CTSA: variants seen among roughly 807,000 people sequenced by gnomAD.
CTSA encodes cathepsin A, also known as lysosomal protective protein.
CTSA carries 42 observed loss-of-function variants against 66.7 expected under a neutral mutation model. The observed-to-expected ratio is 0.63, with a 90% confidence interval of 0.49 to 0.81. The LOEUF (loss-of-function observed/expected upper bound fraction) is 0.81. Among genes scored for constraint, CTSA ranks in the 40% least tolerant of loss-of-function variants. CTSA has a pLI of 0.00. For missense variants in CTSA, 525 were observed against 610.9 expected, an observed-to-expected ratio of 0.86 and a Z score of 1.48; for synonymous variants, 225 against 248.6, an observed-to-expected ratio of 0.91 and a Z score of 0.89.
chr20:45,898,462 A>C lies in CTSA; in HGVS notation c.*12A>C, dbSNP rs764768401. The C allele has an allele frequency of 1.2e-6, 2 of 1,612,820 alleles. No homozygotes were observed. Among genetic ancestry groups the C allele is most frequent in the Non-Finnish European group, 1.7e-6 (2 of 1,179,158 alleles). On this transcript the variant is annotated 3_prime_UTR_variant, in exon 15 of 15. Coordinates refer to ENST00000646241, the MANE Select transcript of CTSA (RefSeq NM_000308.4). This position sits in a 1 kb window ranked among gnomAD's most constrained non-coding sequence, Gnocchi z 4.6. ...AGCAGCCATACTGATGACCACAGCA[A>C]CCAGCTCCACGGCCTGATGCAGCCC...
intron 7 of CTSA, 38 bp from the exon 8 acceptor site, chr20:45,893,949 AC>A: frequency 2.2e-6 from 3 of 1,335,952 alleles, no homozygotes; most frequent in Non-Finnish European, 3.2e-6. Flanking sequence ...TCCTCTTCCC[AC>A]CAGCAGCTGA....
chr20:45,892,700 C>T (rs766878897), intron 5 of CTSA, 25 bp from the exon 6 acceptor site: 1 of 1,614,156 alleles, frequency 6.2e-7, no homozygotes, highest in South Asian at 1.1e-5. Flanking sequence ...TCCTGATTCC[C>T]TCTGTCTTGC....
chr20:45,897,244 G>A (rs2083120759), intron 12 of CTSA: 1 of 620,338 alleles, frequency 1.6e-6, no homozygotes, highest in Non-Finnish European at 2.9e-6. Flanking sequence ...GAGGCCTAGG[G>A]GTCTGCATCA....
chr20:45,892,180 G>A, intron 3 of CTSA, 93 bp from the exon 4 acceptor site: 1 of 1,482,424 alleles, frequency 6.7e-7, no homozygotes, highest in Non-Finnish European at 9.4e-7. Flanking sequence ...CCTCTCAGAG[G>A]TTTTACCCAC....
rs371053390 is a variant in CTSA at position 45,893,324 on chromosome 20, G to A, written c.692+13G>A. 136 of 1,596,942 alleles carry A rather than the reference G, an allele frequency of 8.5e-5. No homozygotes were observed. Among genetic ancestry groups the A allele is most frequent in the Non-Finnish European group, 1.1e-4 (124 of 1,164,508 alleles). On this transcript the variant is annotated intron_variant, in intron 7 of 14. Coordinates refer to ENST00000646241, the MANE Select transcript of CTSA (RefSeq NM_000308.4). ...TTCTGGGGAACAGGTATGGGATAGG[G>A]CAGTTGGGCAATCTCTGGGGTGAGG... is the stretch of plus-strand genomic sequence containing the variant.
rs1418177227 is a variant in CTSA at position 45,891,516 on chromosome 20, C to G, written c.1-53C>G. Reference sequence around the variant, plus strand: ...GCCGCCAGCAACTCCCCGGGGGCTGCTGCACGGAAGCGCTGAGGAGCGAGT... The same window carrying G: ...GCCGCCAGCAACTCCCCGGGGGCTGGTGCACGGAAGCGCTGAGGAGCGAGT... On this transcript the variant is annotated intron_variant, in intron 1 of 14. Coordinates refer to ENST00000646241, the MANE Select transcript of CTSA (RefSeq NM_000308.4). This position sits in a 1 kb window ranked among gnomAD's most constrained non-coding sequence, Gnocchi z 4.6. The G allele has an allele frequency of 6.4e-7, 1 of 1,562,304 alleles. No homozygotes were observed. Among genetic ancestry groups the G allele is most frequent in the Non-Finnish European group, 8.6e-7 (1 of 1,156,546 alleles).
At position 45,897,979 on chromosome 20, in the gene CTSA, G is replaced by A. The variant is rs770740057; in HGVS notation, c.1255-26G>A. ...TGTGAGCAAGGATGCAGCTGCTGTA[G>A]GCTGATGTCTTTCCTGGTGGGGCAG... On this transcript the variant is annotated intron_variant, in intron 13 of 14. Coordinates refer to ENST00000646241, the MANE Select transcript of CTSA (RefSeq NM_000308.4). 6.8e-6 allele frequency: 11 copies of A among 1,611,116 alleles called. No homozygotes were observed. In the East Asian group the frequency reaches 2.2e-4, roughly 33 times the overall value.
chr20:45,897,972 T>G (rs2083129066), intron 13 of CTSA, 33 bp from the exon 14 acceptor site: 2 of 1,606,794 alleles, frequency 1.2e-6, no homozygotes, highest in African/African-American at 2.7e-5. Context: ...AGGATGCAGC[T>G]GCTGTAGGCT....
intron 8 of CTSA, 108 bp from the exon 9 acceptor site, chr20:45,894,542 A>G: frequency 9.9e-7 from 1 of 1,012,148 alleles, no homozygotes; most frequent in South Asian, 1.3e-5. Context: ...TGTGAAAAAA[A>G]GTGGGTGAAG....
chr20:45,897,628 G>A lies in CTSA; in HGVS notation c.1165-89G>A, dbSNP rs2083124766. On this transcript the variant is annotated intron_variant, in intron 12 of 14. Transcript: ENST00000646241. ...TTCGTGTTATCTAGCTTGGCCCCTT[G>A]AATTTCCTGAGGGGTAGGCCTTGAA... 4.8e-6 allele frequency: 4 copies of A among 826,502 alleles called. No individual in the cohort carries two copies. In the East Asian group the frequency reaches 9.8e-5, roughly 20 times the overall value. The allele number at this position is 826,502 out of a possible 1,614,324, so 51.2% of individuals were successfully genotyped here.
chr20:45,892,887 G>A lies in CTSA; in HGVS notation c.600+7G>A, dbSNP rs1253152469. 2 of 1,613,884 alleles carry A rather than the reference G, an allele frequency of 1.2e-6. No homozygotes were observed. Among genetic ancestry groups the A allele is most frequent in the Admixed American group, 1.7e-5 (1 of 60,006 alleles). On this transcript the variant is annotated splice_region_variant and intron_variant, in intron 6 of 14. Coordinates refer to ENST00000646241, the MANE Select transcript of CTSA (RefSeq NM_000308.4). ...TCCCAGCATGAACCTTCAGGTGCAG[G>A]GTAGCTGCAGGAGGGAAGGGAGGTA...
chr20:45,896,555 T>C lies in CTSA; in HGVS notation c.1089-410T>C, dbSNP rs544255578. The C allele has an allele frequency of 9.7e-5, 26 of 268,740 alleles. No individual in the cohort carries two copies. In the South Asian group the frequency reaches 1.0e-3, roughly 10 times the overall value. The allele number at this position is 268,740 out of a possible 1,614,324, so 16.6% of individuals were successfully genotyped here. ...TCAAGTGATTCTCCTGCCTCAGCCTTCTGAGTAGCTGGGACTACAGGCACG... is the reference window on the plus strand; with the variant it reads ...TCAAGTGATTCTCCTGCCTCAGCCTCCTGAGTAGCTGGGACTACAGGCACG... On this transcript the variant is annotated intron_variant, in intron 11 of 14. Transcript: ENST00000646241.
In CTSA at chr20:45,897,813, T is replaced by C; in HGVS notation, c.1254+7T>C. The C allele has an allele frequency of 6.2e-7, 1 of 1,600,340 alleles. No individual in the cohort carries two copies. Among genetic ancestry groups the C allele is most frequent in the Middle Eastern group, 1.7e-4 (1 of 6,032 alleles). On this transcript the variant is annotated splice_region_variant and intron_variant, in intron 13 of 14. Coordinates refer to ENST00000646241, the MANE Select transcript of CTSA (RefSeq NM_000308.4). ...GGATTCCCTCAACCAGAAGGTAAGG[T>C]AGAGATTCCTGGCCCTGGGATAGGG... is the stretch of plus-strand genomic sequence containing the variant.
rs72555383 is a variant in CTSA at position 45,891,598 on chromosome 20, C to CCTGCTGCTG, written c.48_56dup (p.Leu17_Leu19dup). On this transcript the variant is annotated inframe_insertion, in exon 2 of 15. Coordinates refer to ENST00000646241, the MANE Select transcript of CTSA (RefSeq NM_000308.4). This position sits in a 1 kb window ranked among gnomAD's most constrained non-coding sequence, Gnocchi z 4.6. ...TCCGAGCCGCGCCGCCGCCGCTGTT[C>CCTGCTGCTG]CTGCTGCTGCTGCTGCTGCTGCTGC... 2.8e-5 allele frequency: 44 copies of CCTGCTGCTG among 1,581,828 alleles called. No individual in the cohort carries two copies. Among genetic ancestry groups the CCTGCTGCTG allele is most frequent in the African/African-American group, 5.4e-5 (4 of 73,598 alleles).
chr20:45,897,319 G>T, intron 12 of CTSA: 1 of 535,948 alleles, frequency 1.9e-6, no homozygotes, highest in South Asian at 2.0e-5. Context: ...AGAGGTCCAG[G>T]GTGGGAGGAG....
chr20:45,897,680 G>T (rs1470938424), intron 12 of CTSA, 37 bp from the exon 13 acceptor site: 18 of 1,315,854 alleles, frequency 1.4e-5, no homozygotes, highest in Non-Finnish European at 1.9e-5. Flanking sequence ...GACTGGGCTT[G>T]TTCCACACCC....
chr20:45,894,295 A>G, intron 8 of CTSA: 3 of 635,150 alleles, frequency 4.7e-6, no homozygotes, highest in Non-Finnish European at 8.4e-6. Context: ...ACTTCTTCAC[A>G]TTTATCAAAC....
At chr20:45,896,505 T>G (rs1035958800) in intron 11 of CTSA, 6 of 234,298 alleles carry the variant, frequency 2.6e-5, no homozygotes, top group Non-Finnish European at 4.3e-5. Flanking sequence ...CGATCTTGGC[T>G]CACTGCAACC....
chr20:45,897,949 G>GTAGC, intron 13 of CTSA, 56 bp from the exon 14 acceptor site: 1 of 1,589,134 alleles, frequency 6.3e-7, no homozygotes. Context: ...GGTCTTGCTG[G>GTAGC]TAGCTGTGAG....
Sources: gnomAD v4.1 joint callset for allele counts on GRCh38, gnomAD v4.1.1 for gene constraint, Gnocchi (gnomAD v3.1) non-coding constraint, MANE v1.5 for transcripts, NCBI Gene and HGNC (gene_info 2026-07-23, HGNC 2026-07-21) for gene names.